The following MARCKS variants were observed in gnomAD, a reference collection of about 807,000 sequenced individuals.
The protein encoded by MARCKS is myristoylated alanine-rich C-kinase substrate.
In MARCKS, 4 loss-of-function variants were observed where a neutral mutation model predicts 6.3. That is an observed-to-expected ratio of 0.63 (90% CI 0.31 to 1.45). The LOEUF is 1.45. MARCKS is among the 40% of genes most tolerant of loss of function. MARCKS has a pLI of 0.07. For synonymous variants in MARCKS, 289 were observed against 236.5 expected, an observed-to-expected ratio of 1.22 and a Z score of -2.04; for missense variants, 636 against 485.7, an observed-to-expected ratio of 1.31 and a Z score of -2.91.
rs1472929401 is a variant in MARCKS, at chr6:113,861,653, T to A, written c.*1074T>A. ...GTTTTGTGTAGCATCTTGTCTATCA[T>A]GTTTTGTAAATACTGGAGAAGCTTT... On this transcript the variant is annotated 3_prime_UTR_variant, in exon 2 of 2. Transcript: ENST00000612661. The A allele has an allele frequency of 6.6e-6, 1 of 152,658 alleles. No homozygotes were observed. 9.5% of individuals were successfully genotyped at this position (152,658 alleles called of 1,614,324 possible).
Position 113,860,304 on chromosome 6 carries a change from G to A in MARCKS, c.724G>A (p.Ala242Thr). ...GDPQEAKPQE[A>T]AVAPEKPPAS... ...CCCGCAGGAGGCCAAGCCCCAGGAG[G>A]CCGCTGTCGCGCCAGAGAAGCCGCC... The change falls in exon 2 of 2, where the codon GCC becomes ACC. Residue 242 changes from alanine (A) to threonine (T), a missense_variant. Coordinates refer to ENST00000612661, the MANE Select transcript of MARCKS (RefSeq NM_002356.7). 8 of 1,285,014 alleles carry A rather than the reference G, an allele frequency of 6.2e-6. No homozygotes were observed. The highest frequency in any genetic ancestry group is 8.1e-6 in the Non-Finnish European group (8 of 990,390). The allele number at this position is 1,285,014 out of a possible 1,614,324, so 79.6% of individuals were successfully genotyped here.
chr6:113,859,926 C>A lies in MARCKS; in HGVS notation c.346C>A (p.Pro116Thr), dbSNP rs763618371. The A allele has an allele frequency of 3.4e-6, 5 of 1,468,458 alleles. No homozygotes were observed. Among genetic ancestry groups the A allele is most frequent in the Admixed American group, 4.7e-5 (2 of 42,436 alleles). The allele number at this position is 1,468,458 out of a possible 1,614,324, so 91.0% of individuals were successfully genotyped here. The change falls in exon 2 of 2, where the codon CCC becomes ACC. Residue 116 changes from proline to threonine, a missense_variant. By Grantham distance (38) the Pro-to-Thr change is conservative. Coordinates refer to ENST00000612661, the MANE Select transcript of MARCKS (RefSeq NM_002356.7). ...CCCCGCGGAAGGCGAGGCTGCCGAG[C>A]CCGGCTCGCCCACGGCCGCGGAGGG... ...EAPAEGEAAE[P>T]GSPTAAEGEA...
In MARCKS at chr6:113,862,129, T is replaced by A. The variant is rs890361563; in HGVS notation, c.*1550T>A. 1 of 152,166 alleles carries A rather than the reference T, an allele frequency of 6.6e-6. No homozygotes were observed. Among genetic ancestry groups the A allele is most frequent in the African/African-American group, 2.4e-5 (1 of 41,448 alleles). 9.4% of individuals were successfully genotyped at this position (152,166 alleles called of 1,614,324 possible). On this transcript the variant is annotated 3_prime_UTR_variant, in exon 2 of 2. Transcript: ENST00000612661. ...TGAACCTAAGACTATTTAAATGTCT[T>A]ATGAGAAAATTTCATAAAGCCATTC... is the stretch of plus-strand genomic sequence containing the variant.
rs1774867645 is a variant in MARCKS at position 113,860,170 on chromosome 6, C to G, written c.590C>G (p.Ala197Gly). The change falls in exon 2 of 2, where the codon GCC (alanine) becomes GGC (glycine). Residue 197 changes from alanine (A) to glycine (G), a missense_variant. Ala to Gly is a moderately conservative substitution (Grantham distance 60). Transcript: ENST00000612661. The stretch of plus-strand genomic sequence containing the variant: ...GCCGAAGGCGGCAAGGACGAGGCCG[C>G]CGGGGGCGCAGCTGCGGCCGCCGCC... ...PAAEGGKDEA[A>G]GGAAAAAAEA... The G allele has an allele frequency of 7.5e-7, 1 of 1,325,958 alleles. No individual in the cohort carries two copies. The highest frequency in any genetic ancestry group is 3.3e-5 in the East Asian group (1 of 30,736). The allele number at this position is 1,325,958 out of a possible 1,614,324, so 82.1% of individuals were successfully genotyped here.
Position 113,860,409 on chromosome 6 carries a change from G to A in MARCKS, c.829G>A (p.Ala277Thr). The A allele has an allele frequency of 8.6e-7, 1 of 1,157,894 alleles. No homozygotes were observed. The highest frequency in any genetic ancestry group is 2.3e-5 in the South Asian group (1 of 42,748). The allele number at this position is 1,157,894 out of a possible 1,614,324, so 71.7% of individuals were successfully genotyped here. Residue 277 changes from alanine (A) to threonine (T), a missense_variant, in exon 2 of 2, where the codon GCC becomes ACC. By Grantham distance (58) the Ala-to-Thr change is moderately conservative. Coordinates refer to ENST00000612661, the MANE Select transcript of MARCKS (RefSeq NM_002356.7). ...KKAEEAGASA[A>T]ACEAPSAAGP... is the part of the protein sequence containing the mutation. ...GGCCGAGGAGGCCGGGGCCAGCGCC[G>A]CCGCCTGCGAGGCCCCCTCCGCCGC...
Position 113,860,213 on chromosome 6 carries a change from C to CGGGGAGCAG in MARCKS, c.635_643dup (p.Gly212_Gln214dup), listed in dbSNP as rs1774869077. The CGGGGAGCAG allele has an allele frequency of 1.8e-6, 2 of 1,104,190 alleles. No individual in the cohort carries two copies. The highest frequency in any genetic ancestry group is 4.1e-5 in the South Asian group (1 of 24,542). 68.4% of individuals were successfully genotyped at this position (1,104,190 alleles called of 1,614,324 possible). A position where few individuals can be genotyped will look rare whatever the true frequency, so the allele number is the denominator to read the frequency against. On this transcript the variant is annotated inframe_insertion, in exon 2 of 2. Transcript: ENST00000612661. Reference sequence around the variant, plus strand: ...CCGCCGCCGAGGCGGGCGCGGCCTCCGGGGAGCAGGCAGCGGCGCCGGGCG... The same window carrying CGGGGAGCAG: ...CCGCCGCCGAGGCGGGCGCGGCCTCCGGGGAGCAGGGGGAGCAGGCAGCGGCGCCGGGCG...
At position 113,860,554 on chromosome 6, in the gene MARCKS, C is replaced by G; in HGVS notation, c.974C>G (p.Ala325Gly). Residue 325 changes from alanine (A) to glycine (G), a missense_variant, in exon 2 of 2, where the codon GCC becomes GGC. Ala to Gly is a moderately conservative substitution (Grantham distance 60). Transcript: ENST00000612661. ...GCCCAGCCCGAGTGCAGTCCAGAAG[C>G]CCCCCCAGCGGAGGCGGCAGAGTAA... ...QEAQPECSPE[A>G]PPAEAAE 1 of 1,554,064 alleles carries G rather than the reference C, an allele frequency of 6.4e-7. No individual in the cohort carries two copies. The highest frequency in any genetic ancestry group is 8.7e-7 in the Non-Finnish European group (1 of 1,154,018).
rs1562117834 is a variant in MARCKS at position 113,860,032 on chromosome 6, CG to C, written c.453del (p.Lys155ArgfsTer12). The C allele has an allele frequency of 1.9e-6, 3 of 1,564,674 alleles. No homozygotes were observed. Among genetic ancestry groups the C allele is most frequent in the East Asian group, 2.4e-5 (1 of 41,736 alleles). On this transcript the variant is annotated frameshift_variant, in exon 2 of 2. Coordinates refer to ENST00000612661, the MANE Select transcript of MARCKS (RefSeq NM_002356.7). LOFTEE classifies it low-confidence loss of function (END_TRUNC). ...GATPSPSNETPKKKKKRFSFK... is the reference protein window; with the variant it reads ...GATPSPSNETXKKKKKRFSFK... ...ACGCCCTCGCCCAGCAACGAGACCC[CG>C]AAAAAAAAAAAGAAGCGCTTTTCCT... is the stretch of plus-strand genomic sequence containing the variant.
At chr6:113,859,345 AG>A (rs1276710264) in intron 1 of MARCKS, among the ~76,000 whole-genome samples, 1 of 152,168 alleles carries the variant, frequency 6.6e-6, no homozygotes, top group African/African-American at 2.4e-5. Context: ...TTTTCCCCCA[AG>A]CCCCCGATAA....
At chr6:113,858,682 A>C (rs1165686110) in intron 1 of MARCKS, among the ~76,000 whole-genome samples, 2 of 152,206 alleles carry the variant, frequency 1.3e-5, no homozygotes, top group African/African-American at 4.8e-5. Flanking sequence ...GAGGTCGGCC[A>C]TGGGTGGCTG....
Position 113,859,990 on chromosome 6 carries a change from A to G in MARCKS, c.410A>G (p.Lys137Arg), listed in dbSNP as rs764826680. Residue 137 changes from lysine (K) to arginine (R), a missense_variant, in exon 2 of 2, where the codon AAG (lysine) becomes AGG (arginine). Coordinates refer to ENST00000612661, the MANE Select transcript of MARCKS (RefSeq NM_002356.7). ...ASAASSTSSP[K>R]AEDGATPSPS... ...GCCGCCTCCTCGACTTCTTCGCCCA[A>G]GGCCGAGGACGGGGCCACGCCCTCG... is the stretch of plus-strand genomic sequence containing the variant. 1 of 1,555,394 alleles carries G rather than the reference A, an allele frequency of 6.4e-7. No individual in the cohort carries two copies. Among genetic ancestry groups the G allele is most frequent in the African/African-American group, 1.4e-5 (1 of 71,472 alleles).
At position 113,860,294 on chromosome 6, in the gene MARCKS, G is replaced by A. The variant is rs926059325; in HGVS notation, c.714G>A (p.Lys238=). 3.2e-6 allele frequency: 4 copies of A among 1,261,698 alleles called. No individual in the cohort carries two copies. The highest frequency in any genetic ancestry group is 3.3e-5 in the African/African-American group (2 of 61,144). 78.2% of individuals were successfully genotyped at this position (1,261,698 alleles called of 1,614,324 possible). A position where few individuals can be genotyped will look rare whatever the true frequency, so the allele number is the denominator to read the frequency against. Residue 238 remains lysine (K), a synonymous_variant, in exon 2 of 2, where the codon AAG becomes AAA. Coordinates refer to ENST00000612661, the MANE Select transcript of MARCKS (RefSeq NM_002356.7). ...GAAGGDPQEA[K]PQEAAVAPEK... ...CGGGTGGCGACCCGCAGGAGGCCAA[G>A]CCCCAGGAGGCCGCTGTCGCGCCAG...
rs1774908400 is a variant in MARCKS, at chr6:113,862,112, A to C, written c.*1533A>C. Reference sequence around the variant, plus strand: ...TTACAACAAAAGGGGTGTGAACCTAAGACTATTTAAATGTCTTATGAGAAA... The same window carrying C: ...TTACAACAAAAGGGGTGTGAACCTACGACTATTTAAATGTCTTATGAGAAA... On this transcript the variant is annotated 3_prime_UTR_variant, in exon 2 of 2. Transcript: ENST00000612661. 6.6e-6 allele frequency: 1 copy of C among 152,164 alleles called. No homozygotes were observed. The highest frequency in any genetic ancestry group is 2.4e-5 in the African/African-American group (1 of 41,454). The allele number at this position is 152,164 out of a possible 1,614,324, so 9.4% of individuals were successfully genotyped here. A position where few individuals can be genotyped will look rare whatever the true frequency, so the allele number is the denominator to read the frequency against.
At position 113,860,452 on chromosome 6, in the gene MARCKS, C is replaced by T. The variant is rs781744930; in HGVS notation, c.872C>T (p.Pro291Leu). The T allele has an allele frequency of 2.3e-6, 3 of 1,287,536 alleles. No individual in the cohort carries two copies. Among genetic ancestry groups the T allele is most frequent in the Non-Finnish European group, 3.0e-6 (3 of 1,004,262 alleles). 79.8% of individuals were successfully genotyped at this position (1,287,536 alleles called of 1,614,324 possible). Residue 291 changes from proline to leucine, a missense_variant, in exon 2 of 2, where the codon CCG becomes CTG. Transcript: ENST00000612661. Reference sequence around the variant, plus strand: ...TCCGCCGCCGGGCCCGGCGCGCCCCCGGAGCAGGAGGCAGCCCCCGCGGAG... The same window carrying T: ...TCCGCCGCCGGGCCCGGCGCGCCCCTGGAGCAGGAGGCAGCCCCCGCGGAG... ...APSAAGPGAP[P>L]EQEAAPAEEP...
Position 113,863,382 on chromosome 6 carries a change from C to G in MARCKS, c.*2803C>G, listed in dbSNP as rs1000220930. 1 of 152,126 alleles carries G rather than the reference C, an allele frequency of 6.6e-6. No homozygotes were observed. The highest frequency in any genetic ancestry group is 6.5e-5 in the Admixed American group (1 of 15,280). 9.4% of individuals were successfully genotyped at this position (152,126 alleles called of 1,614,324 possible). ...TTGGCAGTATGTATAATGGCATTTG[C>G]TGTGGTTACAAAATACTTCCTCTGG... is the stretch of plus-strand genomic sequence containing the variant. On this transcript the variant is annotated 3_prime_UTR_variant, in exon 2 of 2. Coordinates refer to ENST00000612661, the MANE Select transcript of MARCKS (RefSeq NM_002356.7).
rs755648204 is a variant in MARCKS, at chr6:113,862,092, A to T, written c.*1513A>T. The T allele has an allele frequency of 1.3e-5, 2 of 152,160 alleles. No homozygotes were observed. The highest frequency in any genetic ancestry group is 2.9e-5 in the Non-Finnish European group (2 of 67,976). 9.4% of individuals were successfully genotyped at this position (152,160 alleles called of 1,614,324 possible). ...AGCATGTCAGATTAAATCATTTACA[A>T]CAAAAGGGGTGTGAACCTAAGACTA... On this transcript the variant is annotated 3_prime_UTR_variant, in exon 2 of 2. Transcript: ENST00000612661.
chr6:113,860,718 T>C lies in MARCKS; in HGVS notation c.*139T>C. The C allele has an allele frequency of 5.2e-6, 3 of 576,980 alleles. No individual in the cohort carries two copies. The South Asian group carries it at 1.2e-4, about 22-fold the overall frequency. 35.7% of individuals were successfully genotyped at this position (576,980 alleles called of 1,614,324 possible). ...GATGTCTTTTTTTATTTTACTTTTTTTTAAGCACCAAATTTTGTTGTTTTT... is the reference window on the plus strand; with the variant it reads ...GATGTCTTTTTTTATTTTACTTTTTCTTAAGCACCAAATTTTGTTGTTTTT... On this transcript the variant is annotated 3_prime_UTR_variant, in exon 2 of 2. Coordinates refer to ENST00000612661, the MANE Select transcript of MARCKS (RefSeq NM_002356.7).
At chr6:113,859,292 C>T (rs934304807) in intron 1 of MARCKS, among the ~76,000 whole-genome samples, 3 of 152,242 alleles carry the variant, frequency 2.0e-5, no homozygotes, top group African/African-American at 7.2e-5. Context: ...TCTGTGCCTT[C>T]TTCCAAAGGG....
In MARCKS at chr6:113,859,912, G is replaced by A. The variant is rs1429094364; in HGVS notation, c.332G>A (p.Gly111Asp). 3 of 1,454,780 alleles carry A rather than the reference G, an allele frequency of 2.1e-6. No individual in the cohort carries two copies. The highest frequency in any genetic ancestry group is 1.8e-6 in the Non-Finnish European group (2 of 1,107,214). The allele number at this position is 1,454,780 out of a possible 1,614,324, so 90.1% of individuals were successfully genotyped here. Residue 111 changes from glycine to aspartate, a missense_variant, in exon 2 of 2, where the codon GGC becomes GAC. Gly to Asp is a moderately conservative substitution (Grantham distance 94, BLOSUM62 -1). Transcript: ENST00000612661. Reference sequence around the variant, plus strand: ...GTAGAGAAGGAGGCCCCCGCGGAAGGCGAGGCTGCCGAGCCCGGCTCGCCC... The same window carrying A: ...GTAGAGAAGGAGGCCCCCGCGGAAGACGAGGCTGCCGAGCCCGGCTCGCCC... ...SPVEKEAPAE[G>D]EAAEPGSPTA...
Sources: gnomAD v4.1 joint callset for allele counts (sites outside exome capture counted in the v4.1 genomes callset) on GRCh38, gnomAD v4.1.1 for gene constraint, MANE v1.5 for transcripts, NCBI Gene and HGNC (gene_info 2026-07-23, HGNC 2026-07-21) for gene names.